GRID1: variants seen among roughly 807,000 people sequenced by gnomAD.
GRID1 encodes the protein glutamate ionotropic receptor delta type subunit 1.
Under a neutral mutation model 98.0 loss-of-function variants are expected in GRID1, and 28 were observed. The ratio of observed to expected loss-of-function variants is 0.29; its 90% CI spans 0.21 to 0.39. The LOEUF (loss-of-function observed/expected upper bound fraction) is 0.39. Among genes scored for constraint, GRID1 ranks in the 10% least tolerant of loss-of-function variants. GRID1 has a pLI of 1.00. For missense variants in GRID1, 1,111 were observed against 1,340.5 expected (o/e 0.83, Z 2.67); for synonymous variants, 553 against 538.5 (o/e 1.03, Z -0.37).
intron 8 of GRID1, among the ~76,000 whole-genome samples, chr10:85,797,001 A>T (rs1842531273): frequency 6.6e-6 from 1 of 152,208 alleles, no homozygotes; most frequent in Non-Finnish European, 1.5e-5. Context: ...TGCAGGAGAT[A>T]CATGAAGTAG....
At chr10:85,659,119 G>A (rs543648051) in intron 12 of GRID1, among the ~76,000 whole-genome samples, 1 of 152,200 alleles carries the variant, frequency 6.6e-6, no homozygotes, top group Non-Finnish European at 1.5e-5. Flanking sequence ...CAGAAAGTAT[G>A]TCACACATAT....
chr10:85,647,446 C>T, intron 12 of GRID1, 49 bp from the exon 13 acceptor site: 1 of 1,427,232 alleles, frequency 7.0e-7, no homozygotes, highest in East Asian at 2.3e-5. Context: ...GTGCATTGCA[C>T]ACTGCAAGGA....
chr10:86,079,550 A>T (rs959605182), intron 4 of GRID1, among the ~76,000 whole-genome samples: 2 of 152,188 alleles, frequency 1.3e-5, no homozygotes, highest in Admixed American at 1.3e-4. Flanking sequence ...ACCAGGGTCC[A>T]CTTTGAACAC....
intron 4 of GRID1, among the ~76,000 whole-genome samples, chr10:86,075,180 C>T (rs888606396): frequency 1.5e-4 from 22 of 145,806 alleles, no homozygotes; most frequent in Non-Finnish European, 3.0e-4. Flanking sequence ...GAATTGTGTC[C>T]CCTTCCAAAA....
chr10:86,284,471 A>G (rs937753482), intron 2 of GRID1, among the ~76,000 whole-genome samples: 3 of 152,244 alleles, frequency 2.0e-5, no homozygotes, highest in Non-Finnish European at 4.4e-5. Flanking sequence ...CTCTGTGAAC[A>G]AAACCAGAGC....
chr10:85,657,936 AGAAC>A (rs1357230035), intron 12 of GRID1, among the ~76,000 whole-genome samples: 2 of 152,188 alleles, frequency 1.3e-5, no homozygotes, highest in Non-Finnish European at 2.9e-5. Flanking sequence ...CTGCATGCCA[AGAAC>A]ATGGCTAGCT....
chr10:86,173,149 C>T (rs1845519603), intron 3 of GRID1, among the ~76,000 whole-genome samples: 1 of 152,200 alleles, frequency 6.6e-6, no homozygotes, highest in Non-Finnish European at 1.5e-5. Flanking sequence ...GCAATCCTCC[C>T]ACTTCAGCCT....
chr10:86,229,301 G>T (rs1488654473), intron 2 of GRID1, among the ~76,000 whole-genome samples: 1 of 152,082 alleles, frequency 6.6e-6, no homozygotes, highest in Non-Finnish European at 1.5e-5. Context: ...ACCTGCTGGG[G>T]CCTGAGGCCA....
rs184697090 is a variant in GRID1, at chr10:86,171,004, G to A, written c.521-31980C>T. Among the ~76,000 whole-genome samples, 20 of 152,030 alleles carry A rather than the reference G, an allele frequency of 1.3e-4. No homozygotes were observed. The South Asian group carries it at 2.9e-3, about 22-fold the overall frequency. ...TTCAGACCGCCACCACCCGTTCAGC[G>A]TGACTTCCTTCTGAGGCAGTGGTTC... On this transcript the variant is annotated intron_variant, in intron 3 of 15. Transcript: ENST00000327946.
chr10:85,928,875 G>A (rs997206185), intron 4 of GRID1, among the ~76,000 whole-genome samples: 10 of 152,114 alleles, frequency 6.6e-5, no homozygotes, highest in Non-Finnish European at 7.3e-5. Flanking sequence ...ACCTTAGATC[G>A]TGAGCAAAGG....
chr10:86,093,760 C>T (rs1259383270), intron 4 of GRID1, among the ~76,000 whole-genome samples: 1 of 152,040 alleles, frequency 6.6e-6, no homozygotes, highest in Non-Finnish European at 1.5e-5. Flanking sequence ...CAGAATTCTA[C>T]CAGAAATCAA....
At chr10:85,895,400 C>T (rs933228766) in intron 5 of GRID1, among the ~76,000 whole-genome samples, 1 of 152,194 alleles carries the variant, frequency 6.6e-6, no homozygotes, top group Admixed American at 6.5e-5. Context: ...GCTCTAGTGT[C>T]TCCTCAGCTC....
chr10:85,996,030 T>A (rs543071017), intron 4 of GRID1, among the ~76,000 whole-genome samples: 3 of 152,344 alleles, frequency 2.0e-5, no homozygotes, highest in East Asian at 3.9e-4. Context: ...GCAAATGCTT[T>A]CAAACCTGAG....
intron 5 of GRID1, among the ~76,000 whole-genome samples, chr10:85,888,594 T>C (rs566513402): frequency 6.6e-6 from 1 of 152,336 alleles, no homozygotes; most frequent in South Asian, 2.1e-4. Context: ...GGACCTACAC[T>C]GAGGACAGTG....
chr10:86,174,868 G>A (rs1286494037), intron 3 of GRID1, among the ~76,000 whole-genome samples: 3 of 152,134 alleles, frequency 2.0e-5, no homozygotes, highest in Non-Finnish European at 4.4e-5. Context: ...AGACATTTAT[G>A]CAGCCAAAAA....
At chr10:85,790,617 G>A (rs919952941) in intron 8 of GRID1, among the ~76,000 whole-genome samples, 1 of 152,172 alleles carries the variant, frequency 6.6e-6, no homozygotes, top group African/African-American at 2.4e-5. Context: ...GTTTGGGGCA[G>A]GCCCTGTCCT....
At chr10:85,925,770 G>A (rs537684199) in intron 4 of GRID1, among the ~76,000 whole-genome samples, 59 of 152,254 alleles carry the variant, frequency 3.9e-4, no homozygotes, top group African/African-American at 1.3e-3. Context: ...GACCCAGAGC[G>A]GGTACATCCG....
chr10:85,622,340 T>C (rs1349834587), intron 13 of GRID1, among the ~76,000 whole-genome samples: 7 of 152,200 alleles, frequency 4.6e-5, no homozygotes, highest in Admixed American at 4.6e-4. Context: ...CTGGACCTAC[T>C]GAACACTCCA....
Position 85,895,012 on chromosome 10 carries a change from A to T in GRID1, c.780+21174T>A, listed in dbSNP as rs201923614. Among the ~76,000 whole-genome samples, 562 of 115,906 alleles carry T rather than the reference A, an allele frequency of 4.8e-3. 3 individuals are homozygous for T. Among genetic ancestry groups the T allele is most frequent in the South Asian group, 7.1e-3 (27 of 3,794 alleles). 76.0% of individuals were successfully genotyped at this position (115,906 alleles called of 152,430 possible). A position where few individuals can be genotyped will look rare whatever the true frequency, so the allele number is the denominator to read the frequency against. ...CAAACTGGGACTCTCAAAAAAAAAAAAAAAATATATATATATATATATATA... is the reference window on the plus strand; with the variant it reads ...CAAACTGGGACTCTCAAAAAAAAAATAAAAATATATATATATATATATATA... On this transcript the variant is annotated intron_variant, in intron 5 of 15. Transcript: ENST00000327946.
Sources: allele counts gnomAD v4.1 joint callset (sites outside exome capture counted in the v4.1 genomes callset), GRCh38; gene constraint gnomAD v4.1.1; transcripts MANE v1.5; gene names NCBI Gene and HGNC (gene_info 2026-07-23, HGNC 2026-07-21).